PTCD3: variants seen among roughly 807,000 people sequenced by gnomAD.
PTCD3 encodes the protein pentatricopeptide repeat domain 3, also known as small ribosomal subunit protein mS39.
PTCD3 carries 89 observed loss-of-function variants against 101.9 expected under a neutral mutation model. The ratio of observed to expected loss-of-function variants is 0.87; its 90% CI spans 0.74 to 1.04. The LOEUF (loss-of-function observed/expected upper bound fraction) is 1.04. PTCD3 is among the 50% of genes least tolerant of loss of function. The pLI is 0.00. For missense variants in PTCD3, 870 were observed against 828.2 expected (o/e 1.05, Z -0.62); for synonymous variants, 296 against 278.5 (o/e 1.06, Z -0.63).
At chr2:86,123,445 A>G (rs756952229) in intron 8 of PTCD3, among the ~76,000 whole-genome samples, 2 of 152,158 alleles carry the variant, frequency 1.3e-5, no homozygotes, top group Non-Finnish European at 2.9e-5. Context: ...ACCAGGCCAT[A>G]CAGGGAACTG....
intron 4 of PTCD3, among the ~76,000 whole-genome samples, chr2:86,113,022 C>T (rs997327219): frequency 6.6e-6 from 1 of 152,170 alleles, no homozygotes; most frequent in Non-Finnish European, 1.5e-5. Context: ...AGCCAAGCAA[C>T]TAGCTTTATG....
chr2:86,137,440 T>C (rs751400919), intron 23 of PTCD3, 29 bp from the exon 24 acceptor site: 9 of 1,612,344 alleles, frequency 5.6e-6, no homozygotes, highest in South Asian at 1.1e-5. Flanking sequence ...TGAATTGCAG[T>C]GTAATCCTCC....
intron 12 of PTCD3, among the ~76,000 whole-genome samples, chr2:86,126,229 C>CAAAAA (rs71377064): frequency 1.0e-4 from 6 of 59,104 alleles, no homozygotes; most frequent in South Asian, 6.6e-4. Flanking sequence ...GACTCCGTCT[C>CAAAAA]AAAAAAAAAA....
chr2:86,113,023 T>A (rs1029525591), intron 4 of PTCD3, among the ~76,000 whole-genome samples: 3 of 152,218 alleles, frequency 2.0e-5, no homozygotes, highest in Non-Finnish European at 4.4e-5. Flanking sequence ...GCCAAGCAAC[T>A]AGCTTTATGA....
intron 1 of PTCD3, 154 bp from the exon 2 acceptor site, chr2:86,108,196 A>G: frequency 1.3e-6 from 1 of 792,054 alleles, no homozygotes; most frequent in Non-Finnish European, 2.0e-6. Flanking sequence ...GATATTGAAC[A>G]TGTGTACAGA....
rs969474766 is a variant in PTCD3, at chr2:86,136,769, C to A, written c.1820+207C>A. On this transcript the variant is annotated intron_variant, in intron 22 of 23. Coordinates refer to ENST00000254630, the MANE Select transcript of PTCD3 (RefSeq NM_017952.6). ...TACATTGGGGCTACATTGAATAGATCATCATGAAGTCATACTGAATGAATG... is the reference window on the plus strand; with the variant it reads ...TACATTGGGGCTACATTGAATAGATAATCATGAAGTCATACTGAATGAATG... 4.0e-5 allele frequency: 32 copies of A among 800,544 alleles called. No homozygotes were observed. In the Admixed American group the frequency reaches 6.7e-4, roughly 17 times the overall value. 49.6% of individuals were successfully genotyped at this position (800,544 alleles called of 1,614,324 possible).
In PTCD3 at chr2:86,136,582, C is replaced by T. The variant is rs1674588219; in HGVS notation, c.1820+20C>T. The T allele has an allele frequency of 6.2e-7, 1 of 1,607,654 alleles. No homozygotes were observed. The highest frequency in any genetic ancestry group is 1.7e-5 in the Admixed American group (1 of 60,000). Reference sequence around the variant, plus strand: ...TCCTAGGTAAGTTGAAATCAGCCAGCTCTCTTTGGGTACAGCCTGGAAGTA... The same window carrying T: ...TCCTAGGTAAGTTGAAATCAGCCAGTTCTCTTTGGGTACAGCCTGGAAGTA... On this transcript the variant is annotated intron_variant, in intron 22 of 23. Coordinates refer to ENST00000254630, the MANE Select transcript of PTCD3 (RefSeq NM_017952.6).
In PTCD3 at chr2:86,125,831, C is replaced by G; in HGVS notation, c.902C>G (p.Thr301Arg). The G allele has an allele frequency of 1.2e-6, 2 of 1,609,508 alleles. No homozygotes were observed. Among genetic ancestry groups the G allele is most frequent in the Non-Finnish European group, 1.7e-6 (2 of 1,175,928 alleles). Residue 301 changes from threonine (T) to arginine (R), a missense_variant, in exon 12 of 24, where the codon ACA (threonine) becomes AGA (arginine). Physicochemically the swap from Thr to Arg is moderately conservative, Grantham distance 71. Coordinates refer to ENST00000254630, the MANE Select transcript of PTCD3 (RefSeq NM_017952.6). ...ACATTTAATGCATTGATTGAAGCAA[C>G]AGTATGTGCGATAAATGAGAAATTT... Reference protein sequence around the residue: ...VYTFNALIEATVCAINEKFEE... With the variant: ...VYTFNALIEARVCAINEKFEE...
chr2:86,133,242 G>T lies in PTCD3; in HGVS notation c.1438G>T (p.Asp480Tyr). The stretch of plus-strand genomic sequence containing the variant: ...TGATGTTACCTTGAAGTGGTATGAG[G>T]ACCTGATACCTTCAGTAAGATGGTT... ...QIDVTLKWYEDLIPSAYFPHS... is the reference protein window; with the variant it reads ...QIDVTLKWYEYLIPSAYFPHS... Residue 480 changes from aspartate (D) to tyrosine (Y), a missense_variant, in exon 18 of 24, where the codon GAC becomes TAC. Asp to Tyr is a radical substitution (Grantham distance 160). Transcript: ENST00000254630. 1 of 1,614,078 alleles carries T rather than the reference G, an allele frequency of 6.2e-7. No homozygotes were observed. The highest frequency in any genetic ancestry group is 8.5e-7 in the Non-Finnish European group (1 of 1,179,990).
At chr2:86,108,807 G>T in intron 3 of PTCD3, 2 of 338,536 alleles carry the variant, frequency 5.9e-6, no homozygotes, top group Non-Finnish European at 1.1e-5. Context: ...ATAATACATG[G>T]TTATACATGA....
chr2:86,137,241 A>G (rs1322158693), intron 23 of PTCD3, 101 bp downstream of exon 23: 10 of 1,400,058 alleles, frequency 7.1e-6, no homozygotes, highest in South Asian at 4.4e-5. Context: ...TTTCCTTTCA[A>G]AAAGTCAGAA....
intron 3 of PTCD3, 79 bp downstream of exon 3, chr2:86,108,615 C>A (rs530911518): frequency 7.4e-7 from 1 of 1,352,870 alleles, no homozygotes; most frequent in Non-Finnish European, 1.0e-6. Flanking sequence ...GGTAAGGAGA[C>A]AGTGACAGGA....
At chr2:86,135,511 A>G (rs546425994) in intron 21 of PTCD3, among the ~76,000 whole-genome samples, 2 of 152,214 alleles carry the variant, frequency 1.3e-5, no homozygotes, top group South Asian at 2.1e-4. Context: ...CTTCATTCAC[A>G]TACTAATTTT....
chr2:86,108,868 A>T (rs1171624635), intron 3 of PTCD3: 2 of 246,338 alleles, frequency 8.1e-6, no homozygotes, highest in Non-Finnish European at 1.5e-5. Context: ...ATATGATTCA[A>T]GAGCAGACAG....
intron 12 of PTCD3, among the ~76,000 whole-genome samples, chr2:86,126,808 G>C (rs1231990041): frequency 6.6e-6 from 1 of 150,652 alleles, no homozygotes; most frequent in Admixed American, 6.6e-5. Flanking sequence ...CTGCACTCCA[G>C]CCTGGGCAAG....
intron 7 of PTCD3, 126 bp from the exon 8 acceptor site, chr2:86,121,353 T>C (rs762998585): frequency 9.1e-5 from 50 of 551,466 alleles, no homozygotes; most frequent in Non-Finnish European, 1.4e-4. Flanking sequence ...CATAAAGTAG[T>C]GGACAACATT....
chr2:86,123,673 T>C, intron 8 of PTCD3, 28 bp from the exon 9 acceptor site: 2 of 1,544,634 alleles, frequency 1.3e-6, no homozygotes, highest in South Asian at 1.2e-5. Flanking sequence ...CCTTAACTTT[T>C]ATTTCTTTTG....
In PTCD3 at chr2:86,106,354, A is replaced by G. The variant is rs1673946060; in HGVS notation, c.104+3A>G. On this transcript the variant is annotated splice_donor_region_variant and intron_variant, in intron 1 of 23. Coordinates refer to ENST00000254630, the MANE Select transcript of PTCD3 (RefSeq NM_017952.6). ...TGTGAACAGGCACGCAGCTGCAGGT[A>G]AGAGACGCTTAGGGTATCCGCGAAG... The G allele has an allele frequency of 7.4e-6, 12 of 1,613,640 alleles. No individual in the cohort carries two copies. Among genetic ancestry groups the G allele is most frequent in the Non-Finnish European group, 1.0e-5 (12 of 1,179,850 alleles).
At chr2:86,107,040 A>G in intron 1 of PTCD3, 1 of 455,228 alleles carries the variant, frequency 2.2e-6, no homozygotes, top group Non-Finnish European at 4.6e-6. Flanking sequence ...TAGAGTTGGT[A>G]ATAACCATCC....
Sources: gnomAD v4.1 joint callset for allele counts (sites outside exome capture counted in the v4.1 genomes callset) on GRCh38, gnomAD v4.1.1 for gene constraint, MANE v1.5 for transcripts, NCBI Gene and HGNC (gene_info 2026-07-23, HGNC 2026-07-21) for gene names.